The following HELQ variants were observed in gnomAD, a reference collection of about 807,000 sequenced individuals.
HELQ encodes helicase POLQ-like.
In HELQ, 77 loss-of-function variants were observed where a neutral mutation model predicts 111.6. The ratio of observed to expected loss-of-function variants is 0.69; its 90% CI spans 0.57 to 0.83. HELQ has a LOEUF of 0.83. Ranked by LOEUF, HELQ falls within the 40% of genes least tolerant of loss-of-function variation. HELQ has a pLI of 0.00. For missense variants in HELQ, 1,200 were observed against 1,288.5 expected (o/e 0.93, Z 1.05); for synonymous variants, 438 against 454.7 (o/e 0.96, Z 0.47).
chr4:83,433,397 G>A (rs909564027), intron 9 of HELQ, among the ~76,000 whole-genome samples: 5 of 152,184 alleles, frequency 3.3e-5, no homozygotes, highest in African/African-American at 1.2e-4. Context: ...GCGGGGCGTG[G>A]TGGCTCACGC....
intron 13 of HELQ, 73 bp downstream of exon 13, chr4:83,427,490 A>T (rs1187765855): frequency 7.6e-7 from 1 of 1,313,940 alleles, no homozygotes; most frequent in East Asian, 2.6e-5. Context: ...CCTCATCTCT[A>T]AAAAACAAAA....
chr4:83,431,747 G>A lies in HELQ; in HGVS notation c.2212C>T (p.Pro738Ser). Residue 738 changes from proline (P) to serine (S), a missense_variant, in exon 11 of 18, where the codon CCA (proline) becomes TCA (serine). Pro to Ser is a moderately conservative substitution (Grantham distance 74). Coordinates refer to ENST00000295488, the MANE Select transcript of HELQ (RefSeq NM_133636.5). ...AGATGGCTGTAACAGTTTTCCAATG[G>A]TTTAGTTATTAACTCCAATACCTAT... ...KQQVLELITKPLENCYSHLVQ... is the reference protein window; with the variant it reads ...KQQVLELITKSLENCYSHLVQ... The A allele has an allele frequency of 6.6e-7, 1 of 1,520,456 alleles. No individual in the cohort carries two copies. 94.2% of individuals were successfully genotyped at this position (1,520,456 alleles called of 1,614,324 possible). A position where few individuals can be genotyped will look rare whatever the true frequency, so the allele number is the denominator to read the frequency against.
At position 83,437,058 on chromosome 4, in the gene HELQ, C is replaced by G. The variant is rs777557595; in HGVS notation, c.1848G>C (p.Val616=). Residue 616 remains valine, a synonymous_variant, in exon 9 of 18, where the codon GTG becomes GTC. Transcript: ENST00000295488. ...TGCCAATATTCTTCAAGTTCTTAAT[C>G]ACCTCACATTTTTCTTTCTCCTTAT... The part of the protein sequence containing the change: ...LKHKEKEKCE[V]IKNLKNIGNG... 40 of 1,613,548 alleles carry G rather than the reference C, an allele frequency of 2.5e-5. No individual in the cohort carries two copies. The highest frequency in any genetic ancestry group is 3.3e-5 in the Non-Finnish European group (39 of 1,179,626).
rs1054063984 is a variant in HELQ, at chr4:83,455,287, C to T, written c.297+110G>A. ...TCAATACCTCCTAAGTGCCGATTAA[C>T]AGTGGTAACGAAGACGAGAGAAGTA... is the stretch of plus-strand genomic sequence containing the variant. On this transcript the variant is annotated intron_variant, in intron 1 of 17. Transcript: ENST00000295488. The T allele has an allele frequency of 7.2e-6, 11 of 1,531,422 alleles. No individual in the cohort carries two copies. In the African/African-American group the frequency reaches 1.4e-4, roughly 19 times the overall value. 94.9% of individuals were successfully genotyped at this position (1,531,422 alleles called of 1,614,324 possible). A position where few individuals can be genotyped will look rare whatever the true frequency, so the allele number is the denominator to read the frequency against.
At chr4:83,408,049 A>T (rs1223811424) in intron 17 of HELQ, among the ~76,000 whole-genome samples, 3 of 152,202 alleles carry the variant, frequency 2.0e-5, no homozygotes, top group Non-Finnish European at 4.4e-5. Flanking sequence ...AATGAGCAAA[A>T]AAAGTATTTC....
chr4:83,430,141 C>T (rs1406850116), intron 11 of HELQ, among the ~76,000 whole-genome samples: 2 of 150,654 alleles, frequency 1.3e-5, no homozygotes, highest in Non-Finnish European at 2.9e-5. Flanking sequence ...CATCCTTTAG[C>T]TCTAAAAGTT....
chr4:83,425,994 C>G lies in HELQ; in HGVS notation c.2775G>C (p.Lys925Asn), dbSNP rs1719827865. ...GKKASGQAIG[K>N]KVDKNVVNRL... ...TAGGAAGAAAAAAAGAATGTGGTAC[C>G]TTTCCGATGGCTTGGCCTGATGCTT... Residue 925 changes from lysine (K) to asparagine (N), a missense_variant and splice_region_variant, in exon 14 of 18, where the codon AAG (lysine) becomes AAC (asparagine). Transcript: ENST00000295488. 6.5e-7 allele frequency: 1 copy of G among 1,550,010 alleles called. No homozygotes were observed.
intron 11 of HELQ, among the ~76,000 whole-genome samples, chr4:83,430,906 C>T (rs868404170): frequency 6.6e-6 from 1 of 151,984 alleles, no homozygotes; most frequent in Non-Finnish European, 1.5e-5. Flanking sequence ...GGCAGGGGAA[C>T]CTTTACTTGA....
At position 83,449,307 on chromosome 4, in the gene HELQ, G is replaced by A. The variant is rs6535476; in HGVS notation, c.1013-346C>T. On this transcript the variant is annotated intron_variant, in intron 2 of 17. Transcript: ENST00000295488. Reference sequence around the variant, plus strand: ...ACAGTACAAGGACCTGTGTGAATTCGAATGTCTTCCTCTTATGTTCTGCAA... The same window carrying A: ...ACAGTACAAGGACCTGTGTGAATTCAAATGTCTTCCTCTTATGTTCTGCAA... 0.017 allele frequency among the ~76,000 whole-genome samples: 2,631 copies of A among 152,254 alleles called. 274 individuals are homozygous for A. The East Asian group carries it at 0.29, about 17-fold the overall frequency.
At chr4:83,430,742 T>A (rs1720099637) in intron 11 of HELQ, among the ~76,000 whole-genome samples, 1 of 152,222 alleles carries the variant, frequency 6.6e-6, no homozygotes, top group South Asian at 2.1e-4. Flanking sequence ...TTAATAAAAA[T>A]CATTATTAAT....
chr4:83,417,515 T>C (rs1387613362), intron 16 of HELQ, among the ~76,000 whole-genome samples: 1 of 152,122 alleles, frequency 6.6e-6, no homozygotes, highest in African/African-American at 2.4e-5. Context: ...TCCAATATCT[T>C]TCAGTGTTCT....
chr4:83,436,527 T>TA (rs1247035629), intron 9 of HELQ, among the ~76,000 whole-genome samples: 1 of 152,158 alleles, frequency 6.6e-6, no homozygotes, highest in African/African-American at 2.4e-5. Flanking sequence ...CTATGTTAAA[T>TA]AAACTCTTTC....
intron 15 of HELQ, among the ~76,000 whole-genome samples, chr4:83,420,466 C>A (rs888349039): frequency 1.3e-5 from 2 of 151,916 alleles, no homozygotes; most frequent in African/African-American, 2.4e-5. Flanking sequence ...ACCCCCCACC[C>A]CCGCCCACCC....
intron 3 of HELQ, among the ~76,000 whole-genome samples, chr4:83,448,120 G>C (rs1365939515): frequency 6.6e-6 from 1 of 152,002 alleles, no homozygotes; most frequent in Non-Finnish European, 1.5e-5. Flanking sequence ...TGAGGCAGGA[G>C]AATCACTTGA....
intron 17 of HELQ, among the ~76,000 whole-genome samples, chr4:83,413,186 T>C (rs1196428503): frequency 6.6e-6 from 1 of 152,282 alleles, no homozygotes; most frequent in East Asian, 1.9e-4. Flanking sequence ...TATCCTTTAT[T>C]ATACGCATGT....
At chr4:83,417,227 G>C (rs1739411453) in intron 16 of HELQ, among the ~76,000 whole-genome samples, 1 of 145,158 alleles carries the variant, frequency 6.9e-6, no homozygotes, top group South Asian at 2.2e-4. Flanking sequence ...TTTTGAGAAA[G>C]AGTCTTGCTC....
chr4:83,437,865 C>T (rs897610141), intron 8 of HELQ, among the ~76,000 whole-genome samples: 9 of 152,068 alleles, frequency 5.9e-5, no homozygotes, highest in African/African-American at 2.2e-4. Context: ...AATCATACTT[C>T]CATGGTAAAA....
intron 7 of HELQ, among the ~76,000 whole-genome samples, chr4:83,440,340 A>G (rs1045309183): frequency 3.9e-5 from 6 of 152,208 alleles, no homozygotes; most frequent in African/African-American, 9.6e-5. Flanking sequence ...ACAGCAGAAC[A>G]AAAAAGTCCA....
chr4:83,431,729 T>C lies in HELQ; in HGVS notation c.2230A>G (p.Ser744Gly). 3 of 1,543,392 alleles carry C rather than the reference T, an allele frequency of 1.9e-6. No homozygotes were observed. The highest frequency in any genetic ancestry group is 2.6e-6 in the Non-Finnish European group (3 of 1,142,606). The part of the protein sequence containing the change: ...LITKPLENCY[S>G]HLVQEFTKGI... ...TTGGTGAATTCCTGAACAAGATGGC[T>C]GTAACAGTTTTCCAATGGTTTAGTT... is the stretch of plus-strand genomic sequence containing the variant. The change falls in exon 11 of 18, where the codon AGC (serine) becomes GGC (glycine). Residue 744 changes from serine to glycine, a missense_variant. Physicochemically the swap from Ser to Gly is moderately conservative, Grantham distance 56. Around this residue, in one of 3 missense-constraint regions of HELQ, gnomAD observed 585 missense variants for 665.3 expected, o/e 0.88. Transcript: ENST00000295488.
Sources: allele counts gnomAD v4.1 joint callset (sites outside exome capture counted in the v4.1 genomes callset), GRCh38; gene constraint gnomAD v4.1.1; regional missense constraint gnomAD v4.1.1; transcripts MANE v1.5; gene names NCBI Gene and HGNC (gene_info 2026-07-23, HGNC 2026-07-21).